ZNF282: variants seen among roughly 807,000 people sequenced by gnomAD.
ZNF282 encodes HTLV-I U5 repressive element-binding protein 1.
In ZNF282, 30 loss-of-function variants were observed where a neutral mutation model predicts 61.9. The observed-to-expected ratio is 0.48, with a 90% CI of 0.36 to 0.66. The LOEUF (loss-of-function observed/expected upper bound fraction) is 0.66, where lower values mean the gene tolerates loss of function less well. Ranked by LOEUF, ZNF282 falls within the 30% of genes least tolerant of loss-of-function variation. ZNF282 has a pLI of 0.00. For missense variants in ZNF282, 788 were observed against 941.4 expected (o/e 0.84, Z 2.13); for synonymous variants, 396 against 405.0 (o/e 0.98, Z 0.27).
chr7:149,224,323 C>T lies in ZNF282; in HGVS notation c.1692C>T (p.His564=), dbSNP rs1449423458. 1 of 1,613,758 alleles carries T rather than the reference C, an allele frequency of 6.2e-7. No individual in the cohort carries two copies. The highest frequency in any genetic ancestry group is 8.5e-7 in the Non-Finnish European group (1 of 1,179,936). ...ACTGCCACTCGGGCCTCATCCGCCA[C>T]CAGATGACGCACCGCGGCGAGCGGC... ...SFNCHSGLIR[H]QMTHRGERPY... Residue 564 remains histidine, a synonymous_variant, in exon 8 of 8, where the codon CAC becomes CAT. Transcript: ENST00000610704.
rs1796338927 is a variant in ZNF282, at chr7:149,224,770, G to T, written c.*123G>T. The T allele has an allele frequency of 1.4e-6, 2 of 1,417,556 alleles. No homozygotes were observed. Among genetic ancestry groups the T allele is most frequent in the Admixed American group, 5.7e-5 (2 of 35,010 alleles). The allele number at this position is 1,417,556 out of a possible 1,614,324, so 87.8% of individuals were successfully genotyped here. The stretch of plus-strand genomic sequence containing the variant: ...GGCAACAGGCATTGCACTCCGGTTG[G>T]GGGTCCCCCAGGGTGGGGCAGGGAT... On this transcript the variant is annotated 3_prime_UTR_variant, in exon 8 of 8. Transcript: ENST00000610704.
At chr7:149,204,781 G>A (rs1795967084) in intron 2 of ZNF282, among the ~76,000 whole-genome samples, 1 of 152,196 alleles carries the variant, frequency 6.6e-6, no homozygotes, top group African/African-American at 2.4e-5. Flanking sequence ...GGTATGAATT[G>A]GTGGTGGATG....
At chr7:149,217,161 A>T (rs1300557284) in intron 7 of ZNF282, among the ~76,000 whole-genome samples, 2 of 152,222 alleles carry the variant, frequency 1.3e-5, no homozygotes, top group East Asian at 3.8e-4. Flanking sequence ...CAGTGGTTCC[A>T]ACCTTTCATA....
rs114924625 is a variant in ZNF282 at position 149,206,795 on chromosome 7, G to C, written c.685G>C (p.Glu229Gln). Reference sequence around the variant, plus strand: ...GGAGCTTTATAACAACCTTGTTAAGGAGAACTACAAAACCCTCATGTCCCT... The same window carrying C: ...GGAGCTTTATAACAACCTTGTTAAGCAGAACTACAAAACCCTCATGTCCCT... ...QKELYNNLVK[E>Q]NYKTLMSLDA... Residue 229 changes from glutamate (E) to glutamine (Q), a missense_variant, in exon 3 of 8, where the codon GAG becomes CAG. By Grantham distance (29) the Glu-to-Gln change is conservative. Around this residue, in one of 3 missense-constraint regions of ZNF282, gnomAD observed 559 missense variants for 642.0 expected, o/e 0.87. Coordinates refer to ENST00000610704, the MANE Select transcript of ZNF282 (RefSeq NM_003575.4). 3.3e-5 allele frequency: 54 copies of C among 1,614,192 alleles called. No individual in the cohort carries two copies. Among genetic ancestry groups the C allele is most frequent in the Non-Finnish European group, 4.5e-5 (53 of 1,180,032 alleles).
chr7:149,222,613 C>T (rs554361138), intron 7 of ZNF282, among the ~76,000 whole-genome samples: 1 of 152,004 alleles, frequency 6.6e-6, no homozygotes, highest in Non-Finnish European at 1.5e-5. Context: ...ATAGTGAGAC[C>T]CTGTCTCAAC....
In ZNF282 at chr7:149,195,570, C is replaced by T. The variant is rs1016843197; in HGVS notation, c.-20C>T. 1 of 1,606,698 alleles carries T rather than the reference C, an allele frequency of 6.2e-7. No individual in the cohort carries two copies. Among genetic ancestry groups the T allele is most frequent in the African/African-American group, 1.3e-5 (1 of 74,082 alleles). ...TCTTCTTCTCCCTGGCCGACCCGAG[C>T]GGGGAACAGCACTCCCAGGATGCAG... is the stretch of plus-strand genomic sequence containing the variant. On this transcript the variant is annotated 5_prime_UTR_variant, in exon 1 of 8. Transcript: ENST00000610704.
At chr7:149,212,107 C>G (rs751004245) in intron 5 of ZNF282, among the ~76,000 whole-genome samples, 2 of 152,152 alleles carry the variant, frequency 1.3e-5, no homozygotes, top group Non-Finnish European at 2.9e-5. Flanking sequence ...GATTTAAGTT[C>G]CTGCAGCACA....
At chr7:149,199,120 T>C (rs1168107509) in intron 2 of ZNF282, among the ~76,000 whole-genome samples, 1 of 152,228 alleles carries the variant, frequency 6.6e-6, no homozygotes, top group Non-Finnish European at 1.5e-5. Context: ...CTCACCGGAA[T>C]GTGGCTGGAG....
At chr7:149,200,096 C>T (rs1795885109) in intron 2 of ZNF282, among the ~76,000 whole-genome samples, 1 of 152,134 alleles carries the variant, frequency 6.6e-6, no homozygotes, top group Non-Finnish European at 1.5e-5. Flanking sequence ...GCATCTCTTC[C>T]ATCTATTATT....
chr7:149,218,347 G>C lies in ZNF282; in HGVS notation c.1180+4533G>C, dbSNP rs574659143. On this transcript the variant is annotated intron_variant, in intron 7 of 7. Coordinates refer to ENST00000610704, the MANE Select transcript of ZNF282 (RefSeq NM_003575.4). ...ACTTTGAGAGTGTCACTCATGGGTT[G>C]CCTGTGGGGGCTGTGGAATCAAGAC... 1.4e-4 allele frequency among the ~76,000 whole-genome samples: 22 copies of C among 152,222 alleles called. No homozygotes were observed. In the South Asian group the frequency reaches 3.9e-3, roughly 27 times the overall value.
rs905952639 is a variant in ZNF282 at position 149,224,945 on chromosome 7, A to G, written c.*298A>G. ...GTGCCCTGGGACCACTGGGCCACAGATGGTCATCAGGGGAAGCCACCAGGG... is the reference window on the plus strand; with the variant it reads ...GTGCCCTGGGACCACTGGGCCACAGGTGGTCATCAGGGGAAGCCACCAGGG... On this transcript the variant is annotated 3_prime_UTR_variant, in exon 8 of 8. Coordinates refer to ENST00000610704, the MANE Select transcript of ZNF282 (RefSeq NM_003575.4). 1.7e-5 allele frequency: 7 copies of G among 412,440 alleles called. No individual in the cohort carries two copies. The Admixed American group carries it at 2.4e-4, about 14-fold the overall frequency. The allele number at this position is 412,440 out of a possible 1,614,324, so 25.5% of individuals were successfully genotyped here.
intron 4 of ZNF282, among the ~76,000 whole-genome samples, chr7:149,208,648 A>G (rs566166202): frequency 6.6e-6 from 1 of 152,306 alleles, no homozygotes; most frequent in African/African-American, 2.4e-5. Flanking sequence ...TTACTGTTTT[A>G]AAGAATGCAA....
At chr7:149,204,800 G>A (rs528801822) in intron 2 of ZNF282, among the ~76,000 whole-genome samples, 1 of 152,280 alleles carries the variant, frequency 6.6e-6, no homozygotes, top group Non-Finnish European at 1.5e-5. Flanking sequence ...TGTCATCTGC[G>A]GAGTTCTAGT....
At chr7:149,214,663 G>C (rs995133128) in intron 7 of ZNF282, among the ~76,000 whole-genome samples, 1 of 151,914 alleles carries the variant, frequency 6.6e-6, no homozygotes, top group African/African-American at 2.4e-5. Flanking sequence ...GACCCACAGG[G>C]TCTACAAAAA....
rs770834761 is a variant in ZNF282, at chr7:149,207,428, C to T, written c.790C>T (p.Arg264Cys). ...PREEPCVWEQ[R>C]HPEEREIPMD... ...GGAAGAACCTTGTGTGTGGGAGCAG[C>T]GCCACCCCGAAGAGAGAGAAATCCC... The change falls in exon 4 of 8, where the codon CGC (arginine) becomes TGC (cysteine). Residue 264 changes from arginine (R) to cysteine (C), a missense_variant. Physicochemically the swap from Arg to Cys is radical, Grantham distance 180. Transcript: ENST00000610704. 3.8e-6 allele frequency: 6 copies of T among 1,567,538 alleles called. No homozygotes were observed. In the East Asian group the frequency reaches 9.4e-5, roughly 25 times the overall value.
At chr7:149,203,524 T>G (rs1211207593) in intron 2 of ZNF282, among the ~76,000 whole-genome samples, 1 of 152,232 alleles carries the variant, frequency 6.6e-6, no homozygotes, top group East Asian at 1.9e-4. Flanking sequence ...GTTTTTTATT[T>G]ATTTTTATTC....
At chr7:149,201,751 TA>T (rs915204272) in intron 2 of ZNF282, among the ~76,000 whole-genome samples, 9 of 151,318 alleles carry the variant, frequency 5.9e-5, no homozygotes, top group Non-Finnish European at 1.2e-4. Context: ...GAATCTGTCT[TA>T]AAAAAAACCC....
Position 149,213,697 on chromosome 7 carries a change from A to G in ZNF282, c.1067-4A>G. 6.2e-7 allele frequency: 1 copy of G among 1,610,002 alleles called. No individual in the cohort carries two copies. The highest frequency in any genetic ancestry group is 1.7e-5 in the Admixed American group (1 of 59,870). On this transcript the variant is annotated splice_polypyrimidine_tract_variant and splice_region_variant and intron_variant, in intron 6 of 7. Transcript: ENST00000610704. Reference sequence around the variant, plus strand: ...CTAAGACTGCCTTCTTTCCATGACAACAGAGTCTCTCATCTCAGCACATGA... The same window carrying G: ...CTAAGACTGCCTTCTTTCCATGACAGCAGAGTCTCTCATCTCAGCACATGA...
chr7:149,214,836 A>C (rs1356895015), intron 7 of ZNF282, among the ~76,000 whole-genome samples: 2 of 152,132 alleles, frequency 1.3e-5, no homozygotes, highest in Non-Finnish European at 2.9e-5. Context: ...GTCTCAAAAA[A>C]ACCTGAAAGA....
Sources: gnomAD v4.1 joint callset for allele counts (sites outside exome capture counted in the v4.1 genomes callset) on GRCh38, gnomAD v4.1.1 for gene constraint, gnomAD v4.1.1 regional missense constraint, MANE v1.5 for transcripts, NCBI Gene and HGNC (gene_info 2026-07-23, HGNC 2026-07-21) for gene names.